XRCC3: variants seen among roughly 807,000 people sequenced by gnomAD.
The protein encoded by XRCC3 is X-ray repair cross complementing 3.
A neutral mutation model predicts 29.2 loss-of-function variants in XRCC3; 34 were observed. The observed-to-expected ratio is 1.16, with a 90% CI of 0.88 to 1.55. The LOEUF is 1.55. XRCC3 is among the 40% of genes most tolerant of loss of function. XRCC3 has a pLI of 0.00. For synonymous variants in XRCC3, 223 were observed against 211.3 expected, an observed-to-expected ratio of 1.06 and a Z score of -0.48; for missense variants, 463 against 467.6, an observed-to-expected ratio of 0.99 and a Z score of 0.09.
chr14:103,707,553 C>A (rs1293539198), intron 5 of XRCC3: 1 of 437,608 alleles, frequency 2.3e-6, no homozygotes. Context: ...AAGAAAAAGG[C>A]ACAGCTCTGT....
At chr14:103,699,211 G>A (rs748931165) in intron 8 of XRCC3, 32 bp from the exon 9 acceptor site, 41 of 1,549,172 alleles carry the variant, frequency 2.6e-5, no homozygotes, top group South Asian at 4.7e-5. Context: ...CAGCTGCAAC[G>A]GCTGAGGGTC....
At chr14:103,707,470 C>A in intron 5 of XRCC3, 1 of 569,198 alleles carries the variant, frequency 1.8e-6, no homozygotes, top group Admixed American at 3.0e-5. Context: ...CCCTATGGGG[C>A]AATTGCAGCA....
chr14:103,699,912 C>T (rs1056352774), intron 7 of XRCC3: 2 of 383,374 alleles, frequency 5.2e-6, no homozygotes, highest in Non-Finnish European at 5.0e-6. Context: ...GTCTGCTCTC[C>T]TTCTGCCATG....
At position 103,711,194 on chromosome 14, in the gene XRCC3, G is replaced by A. The variant is rs1198492501; in HGVS notation, c.-107C>T. 4.7e-6 allele frequency: 6 copies of A among 1,272,120 alleles called. No individual in the cohort carries two copies. The highest frequency in any genetic ancestry group is 3.7e-5 in the South Asian group (3 of 81,696). The allele number at this position is 1,272,120 out of a possible 1,614,324, so 78.8% of individuals were successfully genotyped here. On this transcript the variant is annotated 5_prime_UTR_variant, in exon 4 of 10. Coordinates refer to ENST00000555055, the MANE Select transcript of XRCC3 (RefSeq NM_005432.4). ...TCAATTCAAAGCCTGTGGGAGGCCC[G>A]AACCAGGGAAGTGACAGCAGCCGAG...
intron 9 of XRCC3, 49 bp downstream of exon 9, chr14:103,699,084 T>G: frequency 6.4e-7 from 1 of 1,565,062 alleles, no homozygotes; most frequent in Non-Finnish European, 8.7e-7. Context: ...GGCCCAGCTG[T>G]GCCCCTGGCA....
chr14:103,707,567 G>T, intron 5 of XRCC3: 1 of 416,938 alleles, frequency 2.4e-6, no homozygotes, highest in Non-Finnish European at 4.5e-6. Flanking sequence ...GCTCTGTCCA[G>T]CTGGGATGCC....
intron 2 of XRCC3, chr14:103,711,829 T>G: frequency 2.5e-6 from 1 of 403,240 alleles, no homozygotes; most frequent in South Asian, 1.8e-5. Context: ...ACATAAGGCC[T>G]TTCCAACAGG....
In XRCC3 at chr14:103,703,302, G is replaced by A. The variant is rs374168537; in HGVS notation, c.432C>T (p.Asp144=). ...GCTGCAGGCGCTTGTGCGGGAAGGC[G>A]TCTTCCGTGCAGATGTAGACGGCTC... ...EAGAVYICTE[D]AFPHKRLQQL... The change falls in exon 7 of 10, where the codon GAC becomes GAT. Residue 144 remains aspartate, a synonymous_variant. Transcript: ENST00000555055. The A allele has an allele frequency of 5.5e-5, 85 of 1,554,762 alleles. No individual in the cohort carries two copies. The African/African-American group carries it at 5.6e-4, about 10-fold the overall frequency.
At chr14:103,706,664 C>T (rs1293913997) in intron 6 of XRCC3, 2 of 413,586 alleles carry the variant, frequency 4.8e-6, no homozygotes, top group Non-Finnish European at 9.2e-6. Flanking sequence ...GCCCTCCCTG[C>T]GTTGCTGGCT....
At chr14:103,699,901 G>A in intron 7 of XRCC3, 1 of 396,840 alleles carries the variant, frequency 2.5e-6, no homozygotes, top group South Asian at 2.2e-5. Context: ...TCCTTGCGGG[G>A]GTCTGCTCTC....
In XRCC3 at chr14:103,711,246, C is replaced by G. The variant is rs75660546; in HGVS notation, c.-158-1G>C. 1.3e-6 allele frequency: 1 copy of G among 761,516 alleles called. No individual in the cohort carries two copies. The highest frequency in any genetic ancestry group is 2.3e-6 in the Non-Finnish European group (1 of 436,702). The allele number at this position is 761,516 out of a possible 1,614,324, so 47.2% of individuals were successfully genotyped here. On this transcript the variant is annotated splice_acceptor_variant, in intron 3 of 9. Transcript: ENST00000555055. LOFTEE classifies it low-confidence loss of function (5UTR_SPLICE). ...TGTCCGTGTCATCGGGGCTCTGTCA[C>G]TGAGGGTGGAGGAGACTTCACTGTA...
rs781604798 is a variant in XRCC3 at position 103,710,994 on chromosome 14, A to G, written c.55+39T>C. ...AACCTGCCTTATATAAACTGCACAC[A>G]CCCACCCACACCCTTTATGTAAATA... On this transcript the variant is annotated intron_variant, in intron 4 of 9. Coordinates refer to ENST00000555055, the MANE Select transcript of XRCC3 (RefSeq NM_005432.4). 6.2e-6 allele frequency: 10 copies of G among 1,604,056 alleles called. No homozygotes were observed. In the African/African-American group the frequency reaches 1.2e-4, roughly 19 times the overall value.
chr14:103,708,670 A>G lies in XRCC3; in HGVS notation c.56-11T>C, dbSNP rs773911409. 3 of 1,613,986 alleles carry G rather than the reference A, an allele frequency of 1.9e-6. No individual in the cohort carries two copies. Among genetic ancestry groups the G allele is most frequent in the African/African-American group, 2.7e-5 (2 of 74,936 alleles). ...CCGATTTCAGTTTGGCTGAAATAAC[A>G]CAGATAAATTACAGGAAAATGTCAG... is the stretch of plus-strand genomic sequence containing the variant. On this transcript the variant is annotated splice_polypyrimidine_tract_variant and intron_variant, in intron 4 of 9. Transcript: ENST00000555055.
chr14:103,712,448 G>C (rs1193277425), intron 2 of XRCC3: 1 of 152,698 alleles, frequency 6.5e-6, no homozygotes, highest in Admixed American at 6.5e-5. Context: ...AAAAAGGAAT[G>C]CCACCTCCAG....
At chr14:103,702,989 A>T (rs1595654606) in intron 7 of XRCC3, 184 bp downstream of exon 7, 12 of 876,030 alleles carry the variant, frequency 1.4e-5, no homozygotes, top group Non-Finnish European at 1.9e-5. Context: ...CCTCTCAGTC[A>T]CTCTCCATCC....
chr14:103,713,797 A>T (rs2083711617), intron 1 of XRCC3: 2 of 152,194 alleles, frequency 1.3e-5, no homozygotes, highest in Admixed American at 1.3e-4. Flanking sequence ...ATATGTGAGG[A>T]CTTGAGTGAA....
chr14:103,703,471 C>T, intron 6 of XRCC3, 144 bp from the exon 7 acceptor site: 1 of 1,030,886 alleles, frequency 9.7e-7, no homozygotes, highest in East Asian at 2.6e-5. Context: ...AGGGAGGAGG[C>T]TGGTGCTTTT....
intron 8 of XRCC3, 79 bp from the exon 9 acceptor site, chr14:103,699,258 G>A: frequency 6.5e-7 from 1 of 1,539,816 alleles, no homozygotes; most frequent in African/African-American, 1.4e-5. Flanking sequence ...ACCCGCAGGA[G>A]CCGGAGGCCA....
At chr14:103,701,361 G>A (rs1448302071) in intron 7 of XRCC3, 9 of 731,102 alleles carry the variant, frequency 1.2e-5, no homozygotes, top group East Asian at 2.9e-5. Context: ...ATAACCACAC[G>A]GCTGGCGTGA....
Sources: allele counts gnomAD v4.1 joint callset, GRCh38; gene constraint gnomAD v4.1.1; transcripts MANE v1.5; gene names NCBI Gene and HGNC (gene_info 2026-07-23, HGNC 2026-07-21).